The following PPM1L variants were observed in gnomAD, a reference collection of about 807,000 sequenced individuals.
PPM1L encodes protein phosphatase 1L.
Under a neutral mutation model 31.4 loss-of-function variants are expected in PPM1L, and 13 were observed. The ratio of observed to expected loss-of-function variants is 0.41; its 90% CI spans 0.27 to 0.66. The LOEUF is 0.66. PPM1L is among the 30% of genes least tolerant of loss of function. The pLI, the probability that PPM1L is intolerant of heterozygous loss-of-function variation, is 0.29. For synonymous variants in PPM1L, 184 were observed against 175.4 expected (o/e 1.05, Z -0.39); for missense variants, 326 against 453.7 (o/e 0.72, Z 2.56).
Position 160,872,792 on chromosome 3 carries a change from TG to T in PPM1L, c.400-88942del, listed in dbSNP as rs375843963. Among the ~76,000 whole-genome samples, 46 of 152,184 alleles carry T rather than the reference TG, an allele frequency of 3.0e-4. 2 individuals carry two copies. In the East Asian group the frequency reaches 4.5e-3, roughly 15 times the overall value. On this transcript the variant is annotated intron_variant, in intron 1 of 3. Coordinates refer to ENST00000498165, the MANE Select transcript of PPM1L (RefSeq NM_139245.4). ...ATATAAAAAGATTAGCTGGGCGTGG[TG>T]GCAGGCGCCTCTAGTCCCAGCCACT...
chr3:160,848,827 A>G (rs1714162876), intron 1 of PPM1L, among the ~76,000 whole-genome samples: 1 of 152,146 alleles, frequency 6.6e-6, no homozygotes, highest in Non-Finnish European at 1.5e-5. Flanking sequence ...TCTTTCTCTC[A>G]TTTTATGAAA....
chr3:160,931,883 T>G (rs1028980221), intron 1 of PPM1L, among the ~76,000 whole-genome samples: 6 of 152,208 alleles, frequency 3.9e-5, no homozygotes, highest in African/African-American at 1.4e-4. Context: ...TCACTGTTTA[T>G]TGGAATATAA....
At chr3:160,828,023 T>A (rs1208938771) in intron 1 of PPM1L, among the ~76,000 whole-genome samples, 4 of 151,888 alleles carry the variant, frequency 2.6e-5, no homozygotes, top group Non-Finnish European at 4.4e-5. Context: ...CACTTGCTAT[T>A]TTGAGGAGAG....
intron 2 of PPM1L, among the ~76,000 whole-genome samples, chr3:161,009,887 T>C (rs764027775): frequency 5.3e-5 from 8 of 152,212 alleles, no homozygotes; most frequent in Non-Finnish European, 1.0e-4. Flanking sequence ...TTACTGTGAT[T>C]TATCTTTTCC....
At chr3:160,995,187 G>A (rs191014171) in intron 2 of PPM1L, among the ~76,000 whole-genome samples, 8 of 152,304 alleles carry the variant, frequency 5.3e-5, no homozygotes, top group Admixed American at 4.6e-4. Context: ...GTGGCTTAGG[G>A]AAAAATTATG....
At chr3:161,004,807 AT>A (rs1269655784) in intron 2 of PPM1L, among the ~76,000 whole-genome samples, 2 of 151,708 alleles carry the variant, frequency 1.3e-5, no homozygotes, top group African/African-American at 4.8e-5. Context: ...GGATTCATTA[AT>A]TTTTTGAAGG....
At chr3:160,989,627 G>C (rs1717067451) in intron 2 of PPM1L, among the ~76,000 whole-genome samples, 1 of 151,984 alleles carries the variant, frequency 6.6e-6, no homozygotes, top group South Asian at 2.1e-4. Flanking sequence ...CTCACAAAGT[G>C]CTAGGGTCAC....
At chr3:160,823,799 T>C (rs1177432688) in intron 1 of PPM1L, among the ~76,000 whole-genome samples, 1 of 152,116 alleles carries the variant, frequency 6.6e-6, no homozygotes, top group Non-Finnish European at 1.5e-5. Flanking sequence ...ATGTAATTTG[T>C]TTAAGAATCC....
chr3:160,969,907 G>A (rs569242310), intron 2 of PPM1L, among the ~76,000 whole-genome samples: 9 of 152,280 alleles, frequency 5.9e-5, no homozygotes, highest in African/African-American at 1.9e-4. Flanking sequence ...GAAAAAGGAA[G>A]AGAAAAAGAT....
At chr3:160,871,152 A>G (rs895609640) in intron 1 of PPM1L, among the ~76,000 whole-genome samples, 5 of 152,230 alleles carry the variant, frequency 3.3e-5, no homozygotes, top group African/African-American at 1.2e-4. Context: ...TTCAGACTTT[A>G]AAACTGTTGC....
chr3:160,773,472 A>G (rs550694821), intron 1 of PPM1L, among the ~76,000 whole-genome samples: 12 of 152,184 alleles, frequency 7.9e-5, no homozygotes, highest in Non-Finnish European at 1.8e-4. Context: ...AGAAATAAGT[A>G]TGGAGAGAGG....
intron 1 of PPM1L, among the ~76,000 whole-genome samples, chr3:160,926,237 C>T (rs1034815193): frequency 6.6e-6 from 1 of 152,192 alleles, no homozygotes; most frequent in African/African-American, 2.4e-5. Context: ...AGGGCTGCAG[C>T]AGCAGCCTCT....
At chr3:161,007,422 T>C (rs1281227771) in intron 2 of PPM1L, among the ~76,000 whole-genome samples, 7 of 152,140 alleles carry the variant, frequency 4.6e-5, no homozygotes, top group Non-Finnish European at 1.0e-4. Flanking sequence ...CAGGAACAGC[T>C]TGATGGGTTT....
chr3:160,871,207 C>A (rs1712291128), intron 1 of PPM1L, among the ~76,000 whole-genome samples: 1 of 152,100 alleles, frequency 6.6e-6, no homozygotes, highest in Non-Finnish European at 1.5e-5. Flanking sequence ...CTGTTCAAAT[C>A]CTTTTTGGAA....
At chr3:160,786,183 G>GTATATATATATATATA (rs1576636907) in intron 1 of PPM1L, among the ~76,000 whole-genome samples, 1 of 67,944 alleles carries the variant, frequency 1.5e-5, no homozygotes, top group African/African-American at 1.0e-4. Context: ...GTGTGTGTGT[G>GTATATATATATATATA]TGTGTATATA....
At chr3:160,786,848 ATTTGGTTT>A (rs1318389465) in intron 1 of PPM1L, among the ~76,000 whole-genome samples, 1 of 152,066 alleles carries the variant, frequency 6.6e-6, no homozygotes, top group Non-Finnish European at 1.5e-5. Context: ...AACATGCAGT[ATTTGGTTT>A]TCTGTTTCTC....
intron 2 of PPM1L, among the ~76,000 whole-genome samples, chr3:160,992,116 A>G (rs1717153658): frequency 6.6e-6 from 1 of 152,182 alleles, no homozygotes. Flanking sequence ...GGAAATCTAT[A>G]TCTCCAGAAC....
chr3:160,918,268 A>C (rs1180036171), intron 1 of PPM1L, among the ~76,000 whole-genome samples: 3 of 152,264 alleles, frequency 2.0e-5, no homozygotes, highest in East Asian at 3.8e-4. Context: ...ATCACTTAGG[A>C]CAGTTGTACC....
At chr3:160,940,628 C>G (rs145293093) in intron 1 of PPM1L, among the ~76,000 whole-genome samples, 1 of 152,150 alleles carries the variant, frequency 6.6e-6, no homozygotes, top group African/African-American at 2.4e-5. Flanking sequence ...CCTAGGGGTG[C>G]GCAGAAGCCA....
Sources: allele counts gnomAD v4.1 joint callset (sites outside exome capture counted in the v4.1 genomes callset), GRCh38; gene constraint gnomAD v4.1.1; transcripts MANE v1.5; gene names NCBI Gene and HGNC (gene_info 2026-07-23, HGNC 2026-07-21).